CDNF: variants seen among roughly 807,000 people sequenced by gnomAD.
CDNF encodes the protein cerebral dopamine neurotrophic factor, also known as ARMET-like protein 1.
A neutral mutation model predicts 14.8 loss-of-function variants in CDNF; 9 were observed. The ratio of observed to expected loss-of-function variants is 0.61; its 90% CI spans 0.37 to 1.06. The LOEUF (loss-of-function observed/expected upper bound fraction) is 1.06, where lower values mean the gene tolerates loss of function less well. Ranked by LOEUF, CDNF falls within the 50% of genes least tolerant of loss-of-function variation. The probability of loss-of-function intolerance (pLI) is 0.01; values close to 1 mark genes in which losing one functional copy is unlikely to be tolerated. For synonymous variants in CDNF, 86 were observed against 87.2 expected (o/e 0.99, Z 0.07); for missense variants, 228 against 228.4 (o/e 1.00, Z 0.01).
rs747650414 is a variant in CDNF, at chr10:14,820,032, A to G, written c.512T>C (p.Ile171Thr). Residue 171 changes from isoleucine to threonine, a missense_variant, in exon 4 of 4, where the codon ATT (isoleucine) becomes ACT (threonine). Ile to Thr is a moderately conservative substitution (Grantham distance 89). Transcript: ENST00000465530. ...CAEKTDYVNL[I>T]QELAPKYAAT... is the part of the protein sequence containing the mutation. ...TGCATACTTGGGGGCCAGCTCTTGA[A>G]TGAGATTCACATAGTCAGTTTTTTC... is the stretch of plus-strand genomic sequence containing the variant. 4 of 1,613,982 alleles carry G rather than the reference A, an allele frequency of 2.5e-6. No individual in the cohort carries two copies. In the Admixed American group the frequency reaches 5.0e-5, roughly 20 times the overall value.
intron 3 of CDNF, among the ~76,000 whole-genome samples, chr10:14,820,972 C>A (rs545541268): frequency 2.9e-4 from 44 of 152,224 alleles, no homozygotes; most frequent in African/African-American, 1.1e-3. Context: ...CTTCCTCTTG[C>A]TGCAGTCACG....
chr10:14,832,193 A>T (rs766232216), intron 1 of CDNF, among the ~76,000 whole-genome samples: 2 of 152,228 alleles, frequency 1.3e-5, no homozygotes, highest in Non-Finnish European at 2.9e-5. Flanking sequence ...ACCTGAAGGA[A>T]GTGGAAGAAC....
chr10:14,826,432 G>C (rs1248582810), intron 2 of CDNF, among the ~76,000 whole-genome samples: 1 of 150,546 alleles, frequency 6.6e-6, no homozygotes, highest in Non-Finnish European at 1.5e-5. Flanking sequence ...AGAAGCAGCA[G>C]AAGAAAGAAG....
intron 2 of CDNF, among the ~76,000 whole-genome samples, chr10:14,827,449 A>G (rs1439290020): frequency 3.3e-5 from 5 of 151,976 alleles, no homozygotes; most frequent in Non-Finnish European, 7.3e-5. Flanking sequence ...ATTAGAAGAA[A>G]ATATAAATAC....
chr10:14,837,796 G>C, intron 1 of CDNF, 36 bp downstream of exon 1: 2 of 1,332,916 alleles, frequency 1.5e-6, no homozygotes, highest in South Asian at 2.5e-5. Flanking sequence ...CGCAGCGCGG[G>C]GCCGCCGCCA....
rs1183960049 is a variant in CDNF at position 14,820,077 on chromosome 10, T to TC, written c.466dup (p.Glu156GlyfsTer11). On this transcript the variant is annotated frameshift_variant, in exon 4 of 4. Transcript: ENST00000465530. LOFTEE classifies it low-confidence loss of function (END_TRUNC). ...TTTTTCTGCACAGGCCCTGCACTCC[T>TC]CCCCCCAGCTATGCAGGATCTGCTT... 6 of 1,613,820 alleles carry TC rather than the reference T, an allele frequency of 3.7e-6. No homozygotes were observed. The highest frequency in any genetic ancestry group is 4.2e-6 in the Non-Finnish European group (5 of 1,179,926).
In CDNF at chr10:14,822,906, T is replaced by C. The variant is rs540171144; in HGVS notation, c.385+2573A>G. Among the ~76,000 whole-genome samples the C allele has an allele frequency of 4.6e-5, 7 of 152,350 alleles. No homozygotes were observed. In the South Asian group the frequency reaches 1.2e-3, roughly 27 times the overall value. ...CTTAAATTTTTATAGTGATTCCCTA[T>C]CCTTTTTAAACACAAAGCAAGCAAA... On this transcript the variant is annotated intron_variant, in intron 3 of 3. Transcript: ENST00000465530.
chr10:14,834,015 C>G (rs1833866214), intron 1 of CDNF, among the ~76,000 whole-genome samples: 1 of 152,028 alleles, frequency 6.6e-6, no homozygotes, highest in South Asian at 2.1e-4. Context: ...AAGCAGAAAC[C>G]TGCTGTAATG....
chr10:14,820,783 T>A (rs532665637), intron 3 of CDNF, among the ~76,000 whole-genome samples: 1 of 152,272 alleles, frequency 6.6e-6, no homozygotes, highest in Admixed American at 6.5e-5. Context: ...ATGATATGGT[T>A]TGGATTTGTG....
At chr10:14,826,355 G>A (rs1833792343) in intron 2 of CDNF, among the ~76,000 whole-genome samples, 2 of 150,648 alleles carry the variant, frequency 1.3e-5, no homozygotes, top group Non-Finnish European at 2.9e-5. Flanking sequence ...AGCAGAAGCA[G>A]CAGAAGCAGA....
intron 1 of CDNF, among the ~76,000 whole-genome samples, chr10:14,836,055 G>A (rs755755047): frequency 5.3e-5 from 8 of 152,130 alleles, no homozygotes; most frequent in Admixed American, 1.3e-4. Flanking sequence ...TAAATGTAAC[G>A]AAACATATCA....
In CDNF at chr10:14,819,496, CAA is replaced by C. The variant is rs1300248837; in HGVS notation, c.*482_*483del. The stretch of plus-strand genomic sequence containing the variant: ...ACTCCTGCCTGACCATTTCTGATAC[CAA>C]AGAGAGCTACAATATAGAGTGAAAA... On this transcript the variant is annotated 3_prime_UTR_variant, in exon 4 of 4. Coordinates refer to ENST00000465530, the MANE Select transcript of CDNF (RefSeq NM_001029954.3). The C allele has an allele frequency of 6.6e-6, 1 of 152,074 alleles. No homozygotes were observed. The highest frequency in any genetic ancestry group is 1.9e-4 in the East Asian group (1 of 5,194). The allele number at this position is 152,074 out of a possible 1,614,324, so 9.4% of individuals were successfully genotyped here.
chr10:14,826,859 T>A (rs979422886), intron 2 of CDNF, among the ~76,000 whole-genome samples: 1 of 152,080 alleles, frequency 6.6e-6, no homozygotes, highest in Non-Finnish European at 1.5e-5. Context: ...CTAGAGCCCA[T>A]GTCTTTTCCC....
chr10:14,836,945 A>T (rs923137451), intron 1 of CDNF, among the ~76,000 whole-genome samples: 1 of 152,106 alleles, frequency 6.6e-6, no homozygotes, highest in Non-Finnish European at 1.5e-5. Context: ...AAACAAAAAC[A>T]AAAAACAAAA....
chr10:14,836,495 A>G (rs1294476349), intron 1 of CDNF, among the ~76,000 whole-genome samples: 1 of 152,244 alleles, frequency 6.6e-6, no homozygotes, highest in South Asian at 2.1e-4. Flanking sequence ...AAAGTATAGG[A>G]CACAATTATA....
chr10:14,830,204 G>A (rs56293413), intron 1 of CDNF, among the ~76,000 whole-genome samples: 7,982 of 152,056 alleles, frequency 0.052, 276 homozygotes, highest in African/African-American at 0.084. Context: ...TACAAGTGAG[G>A]GACGTTTTGT....
At chr10:14,826,323 T>C (rs11259361) in intron 2 of CDNF, among the ~76,000 whole-genome samples, 61,310 of 136,656 alleles carry the variant, frequency 0.45, 14,859 homozygotes, top group African/African-American at 0.71. Context: ...GCAGCAGAAG[T>C]GGAGGAATCA....
At chr10:14,833,039 T>C (rs1322630319) in intron 1 of CDNF, among the ~76,000 whole-genome samples, 2 of 151,618 alleles carry the variant, frequency 1.3e-5, no homozygotes. Context: ...TTTGTATTTT[T>C]AGTAGAGATG....
At position 14,827,521 on chromosome 10, in the gene CDNF, G is replaced by A. The variant is rs1297772084; in HGVS notation, c.243+624C>T. On this transcript the variant is annotated intron_variant, in intron 2 of 3. Coordinates refer to ENST00000465530, the MANE Select transcript of CDNF (RefSeq NM_001029954.3). ...TTGATAAGTTTGATTAATTGTCTTGGTAAGAAATGGAAAGCCCACCCACTC... is the reference window on the plus strand; with the variant it reads ...TTGATAAGTTTGATTAATTGTCTTGATAAGAAATGGAAAGCCCACCCACTC... 2.0e-5 allele frequency among the ~76,000 whole-genome samples: 3 copies of A among 152,112 alleles called. No individual in the cohort carries two copies. In the East Asian group the frequency reaches 5.8e-4, roughly 29 times the overall value.
Sources: allele counts gnomAD v4.1 joint callset (sites outside exome capture counted in the v4.1 genomes callset), GRCh38; gene constraint gnomAD v4.1.1; transcripts MANE v1.5; gene names NCBI Gene and HGNC (gene_info 2026-07-23, HGNC 2026-07-21).